The following TBC1D22A variants were observed in gnomAD, a reference collection of about 807,000 sequenced individuals.
TBC1D22A encodes TBC1 domain family member 22A, also known as putative GTPase activator.
Under a neutral mutation model 60.2 loss-of-function variants are expected in TBC1D22A, and 38 were observed. The observed-to-expected ratio is 0.63, with a 90% CI of 0.49 to 0.83. The LOEUF (loss-of-function observed/expected upper bound fraction) is 0.83, where lower values mean the gene tolerates loss of function less well. Among genes scored for constraint, TBC1D22A ranks in the 40% least tolerant of loss-of-function variants. The probability of loss-of-function intolerance (pLI) is 0.00; values close to 1 mark genes in which losing one functional copy is unlikely to be tolerated. For missense variants in TBC1D22A, 628 were observed against 701.0 expected (o/e 0.90, Z 1.18); for synonymous variants, 302 against 281.7 (o/e 1.07, Z -0.72).
rs550583318 is a variant in TBC1D22A at position 47,028,636 on chromosome 22, C to T, written c.1202-8435C>T. ...GTCTCGCCTGCCTGTGCATACTTAG[C>T]TGTGTCTTGGGTCTGACCTGTCTTC... is the stretch of plus-strand genomic sequence containing the variant. On this transcript the variant is annotated intron_variant, in intron 10 of 12. Coordinates refer to ENST00000337137, the MANE Select transcript of TBC1D22A (RefSeq NM_014346.5). This position sits in a 1 kb window ranked among gnomAD's most constrained non-coding sequence, Gnocchi z 4.4. Among the ~76,000 whole-genome samples the T allele has an allele frequency of 1.8e-4, 27 of 152,346 alleles. No individual in the cohort carries two copies. Among genetic ancestry groups the T allele is most frequent in the African/African-American group, 5.8e-4 (24 of 41,574 alleles).
chr22:47,037,309 T>C lies in TBC1D22A; in HGVS notation c.1329+111T>C, dbSNP rs1203190151. On this transcript the variant is annotated intron_variant, in intron 11 of 12. Transcript: ENST00000337137. ...GCATTCGATTTTTTCTTCCAAGCGC[T>C]CTCTCCATTGAAATGCGGTCTTTAA... The C allele has an allele frequency of 2.7e-6, 4 of 1,455,918 alleles. No individual in the cohort carries two copies. The African/African-American group carries it at 4.2e-5, about 15-fold the overall frequency. The allele number at this position is 1,455,918 out of a possible 1,614,324, so 90.2% of individuals were successfully genotyped here. A position where few individuals can be genotyped will look rare whatever the true frequency, so the allele number is the denominator to read the frequency against.
At chr22:46,981,339 C>T (rs973320131) in intron 9 of TBC1D22A, among the ~76,000 whole-genome samples, 16 of 151,122 alleles carry the variant, frequency 1.1e-4, no homozygotes, top group Non-Finnish European at 2.2e-4. Flanking sequence ...AAGGCACTTC[C>T]AATTTTGTGG....
chr22:46,885,166 G>T (rs1232252831), intron 5 of TBC1D22A, among the ~76,000 whole-genome samples: 1 of 152,194 alleles, frequency 6.6e-6, no homozygotes, highest in East Asian at 1.9e-4. Context: ...GCAGCGGGTG[G>T]GAGAGTGGCT....
chr22:47,132,221 C>T (rs769221077), intron 12 of TBC1D22A, among the ~76,000 whole-genome samples: 5 of 152,148 alleles, frequency 3.3e-5, no homozygotes, highest in East Asian at 1.9e-4. Context: ...GGATTCCCCC[C>T]GAGTCTTGGT....
rs1467115886 is a variant in TBC1D22A at position 46,797,459 on chromosome 22, C to T, written c.476C>T (p.Ala159Val). The T allele has an allele frequency of 4.3e-6, 7 of 1,612,938 alleles. No homozygotes were observed. Among genetic ancestry groups the T allele is most frequent in the Middle Eastern group, 2.0e-4 (1 of 5,128 alleles). The part of the protein sequence containing the change: ...TSCPAESASD[A>V]APLQRSQSLP... ...ACCCCTGCAGAAAGTGCCAGCGATGCCGCCCCTCTGCAGAGGTCCCAGTCT... is the reference window on the plus strand; with the variant it reads ...ACCCCTGCAGAAAGTGCCAGCGATGTCGCCCCTCTGCAGAGGTCCCAGTCT... The change falls in exon 4 of 13, where the codon GCC becomes GTC. Residue 159 changes from alanine to valine, a missense_variant. Physicochemically the swap from Ala to Val is moderately conservative, Grantham distance 64 (BLOSUM62 0). Coordinates refer to ENST00000337137, the MANE Select transcript of TBC1D22A (RefSeq NM_014346.5).
chr22:46,800,948 G>A (rs1457814655), intron 4 of TBC1D22A, among the ~76,000 whole-genome samples: 1 of 152,152 alleles, frequency 6.6e-6, no homozygotes, highest in Non-Finnish European at 1.5e-5. Context: ...TGCTGGGTCA[G>A]GCTCTGAGTA....
intron 1 of TBC1D22A, among the ~76,000 whole-genome samples, chr22:46,786,814 G>C (rs2084177795): frequency 6.6e-6 from 1 of 152,018 alleles, no homozygotes; most frequent in South Asian, 2.1e-4. Flanking sequence ...TCAGCCTTCT[G>C]AGTAGCTGGG....
At chr22:46,986,809 C>T (rs1412332711) in intron 9 of TBC1D22A, among the ~76,000 whole-genome samples, 1 of 152,176 alleles carries the variant, frequency 6.6e-6, no homozygotes, top group Non-Finnish European at 1.5e-5. Flanking sequence ...CTGGAGGCAG[C>T]CATGCCTTTG....
At chr22:46,829,818 C>CGGAGGTTTGGA (rs1007847982) in intron 4 of TBC1D22A, among the ~76,000 whole-genome samples, 3 of 151,952 alleles carry the variant, frequency 2.0e-5, no homozygotes, top group African/African-American at 4.8e-5. Flanking sequence ...GTTTGGGGGC[C>CGGAGGTTTGGA]GGAGGTTTGG....
At chr22:47,109,646 C>T (rs2065772836) in intron 11 of TBC1D22A, among the ~76,000 whole-genome samples, 1 of 152,194 alleles carries the variant, frequency 6.6e-6, no homozygotes, top group Non-Finnish European at 1.5e-5. Context: ...CCAAAACAGT[C>T]TCCTACAGCC....
At chr22:47,165,857 G>T (rs1569480470) in intron 12 of TBC1D22A, among the ~76,000 whole-genome samples, 1 of 152,134 alleles carries the variant, frequency 6.6e-6, no homozygotes, top group South Asian at 2.1e-4. Context: ...TGTGGTTAGG[G>T]TTTCTCACCA....
At chr22:47,037,367 T>G (rs2062690812) in intron 11 of TBC1D22A, among the ~76,000 whole-genome samples, 169 bp downstream of exon 11, 1 of 152,118 alleles carries the variant, frequency 6.6e-6, no homozygotes, top group Admixed American at 6.5e-5. Flanking sequence ...CGGTGGCTCA[T>G]GCCTGTAATC....
At chr22:47,063,214 TC>T (rs2063640173) in intron 11 of TBC1D22A, among the ~76,000 whole-genome samples, 3 of 151,838 alleles carry the variant, frequency 2.0e-5, no homozygotes, top group African/African-American at 7.3e-5. Flanking sequence ...GGGTTCCCAA[TC>T]TCATGGGACA....
chr22:47,029,669 C>T (rs2062396847), intron 10 of TBC1D22A, among the ~76,000 whole-genome samples: 1 of 152,258 alleles, frequency 6.6e-6, no homozygotes, highest in Admixed American at 6.5e-5. Context: ...ATGGCAGGAG[C>T]CCTGCCTGTT....
chr22:47,139,698 C>T (rs925567887), intron 12 of TBC1D22A, among the ~76,000 whole-genome samples: 17 of 152,212 alleles, frequency 1.1e-4, no homozygotes, highest in Non-Finnish European at 8.8e-5. Context: ...GCGCGGTGTC[C>T]TGGCCGGGGA....
At chr22:46,961,528 TC>T (rs1192724002) in intron 8 of TBC1D22A, among the ~76,000 whole-genome samples, 1 of 152,232 alleles carries the variant, frequency 6.6e-6, no homozygotes, top group African/African-American at 2.4e-5. Flanking sequence ...CAGCAAATGT[TC>T]ATGTGGTTTT....
intron 11 of TBC1D22A, among the ~76,000 whole-genome samples, chr22:47,103,630 G>A (rs965301221): frequency 2.6e-5 from 4 of 152,168 alleles, no homozygotes; most frequent in African/African-American, 9.7e-5. Context: ...GAGGGCTGAC[G>A]TGCCCAGAGA....
intron 12 of TBC1D22A, among the ~76,000 whole-genome samples, chr22:47,134,922 G>A (rs527818531): frequency 2.6e-5 from 4 of 152,260 alleles, no homozygotes; most frequent in South Asian, 2.1e-4. Context: ...CAGCTCTCCC[G>A]GAGCCTTGGC....
At chr22:47,146,345 G>A (rs180682609) in intron 12 of TBC1D22A, among the ~76,000 whole-genome samples, 1 of 152,340 alleles carries the variant, frequency 6.6e-6, no homozygotes, top group African/African-American at 2.4e-5. Context: ...CCAGCTCAGA[G>A]TCCTGCCATC....
Sources: allele counts gnomAD v4.1 joint callset (sites outside exome capture counted in the v4.1 genomes callset), GRCh38; gene constraint gnomAD v4.1.1; non-coding constraint Gnocchi (gnomAD v3.1); transcripts MANE v1.5; gene names NCBI Gene and HGNC (gene_info 2026-07-23, HGNC 2026-07-21).